Variants in WASHC5 observed in about 807,000 individuals in gnomAD.
WASHC5 encodes the protein WASH complex subunit 5.
A neutral mutation model predicts 150.4 loss-of-function variants in WASHC5; 101 were observed. That is an observed-to-expected ratio of 0.67 (90% CI 0.57 to 0.79). The LOEUF is 0.79. Among genes scored for constraint, WASHC5 ranks in the 30% least tolerant of loss-of-function variants. The pLI, the probability that WASHC5 is intolerant of heterozygous loss-of-function variation, is 0.00. For missense variants in WASHC5, 1,195 were observed against 1,396.3 expected (o/e 0.86, Z 2.30); for synonymous variants, 467 against 491.2 (o/e 0.95, Z 0.65).
intron 7 of WASHC5, among the ~76,000 whole-genome samples, chr8:125,075,759 T>C (rs914752173): frequency 1.3e-5 from 2 of 152,222 alleles, no homozygotes; most frequent in South Asian, 2.1e-4. Context: ...CAAAATCTGC[T>C]ACATGCGAAT....
intron 28 of WASHC5, among the ~76,000 whole-genome samples, chr8:125,025,285 C>T (rs1815346213): frequency 6.6e-6 from 1 of 152,096 alleles, no homozygotes; most frequent in South Asian, 2.1e-4. Context: ...AAGGTATAAC[C>T]TGCTAATGAG....
At chr8:125,070,695 C>T (rs1156482191) in intron 9 of WASHC5, among the ~76,000 whole-genome samples, 1 of 152,166 alleles carries the variant, frequency 6.6e-6, no homozygotes, top group African/African-American at 2.4e-5. Context: ...ATAAACTCAA[C>T]TAATTAAAAA....
In WASHC5 at chr8:125,043,874, A is replaced by G. The variant is rs1434612163; in HGVS notation, c.2801T>C (p.Ile934Thr). Residue 934 changes from isoleucine (I) to threonine (T), a missense_variant, in exon 23 of 29, where the codon ATT becomes ACT. Physicochemically the swap from Ile to Thr is moderately conservative, Grantham distance 89. Coordinates refer to ENST00000318410, the MANE Select transcript of WASHC5 (RefSeq NM_014846.4). ...AGTCCAAATCTTCTGTGTTTTGGCA[A>G]TGGCGGAAAAATAAATTTTATTTGA... ...ANSNKIYFSA[I>T]AKTQKIWTAY... 1.9e-6 allele frequency: 3 copies of G among 1,613,280 alleles called. No homozygotes were observed. Among genetic ancestry groups the G allele is most frequent in the Non-Finnish European group, 2.5e-6 (3 of 1,179,230 alleles).
Position 125,067,850 on chromosome 8 carries a change from G to A in WASHC5, c.1151-131C>T, listed in dbSNP as rs62529096. ...ATAAGCAAAATGTATATCAATAAAA[G>A]ATGGTGAAATATAGTACATCTATGC... On this transcript the variant is annotated intron_variant, in intron 9 of 28. Coordinates refer to ENST00000318410, the MANE Select transcript of WASHC5 (RefSeq NM_014846.4). 0.017 allele frequency: 16,100 copies of A among 942,096 alleles called. 209 individuals carry two copies. Among genetic ancestry groups the A allele is most frequent in the Non-Finnish European group, 0.021 (12,530 of 607,722 alleles). The allele number at this position is 942,096 out of a possible 1,614,324, so 58.4% of individuals were successfully genotyped here.
At chr8:125,030,594 C>T (rs1339367634) in intron 27 of WASHC5, among the ~76,000 whole-genome samples, 5 of 146,780 alleles carry the variant, frequency 3.4e-5, no homozygotes, top group Admixed American at 1.4e-4. Context: ...GCCGAGATCA[C>T]GCCACTGCAC....
chr8:125,074,950 TA>T, intron 8 of WASHC5, 47 bp downstream of exon 8: 1 of 1,109,852 alleles, frequency 9.0e-7, no homozygotes, highest in Non-Finnish European at 1.4e-6. Context: ...TGCTACTTCA[TA>T]AACTAGGCCT....
rs1816508742 is a variant in WASHC5 at position 125,059,248 on chromosome 8, T to C, written c.1738A>G (p.Thr580Ala). ...ESIRVNPSMV[T>A]KLRATFLKLA... ...TTTAGGAAGGTAGCTCTGAGTTTAG[T>C]AACCATGGATGGATTTACCCTTATG... The change falls in exon 14 of 29, where the codon ACT (threonine) becomes GCT (alanine). Residue 580 changes from threonine (T) to alanine (A), a missense_variant. Thr to Ala is a moderately conservative substitution (Grantham distance 58). Coordinates refer to ENST00000318410, the MANE Select transcript of WASHC5 (RefSeq NM_014846.4). 1 of 1,613,984 alleles carries C rather than the reference T, an allele frequency of 6.2e-7. No homozygotes were observed. Among genetic ancestry groups the C allele is most frequent in the Non-Finnish European group, 8.5e-7 (1 of 1,179,826 alleles).
rs1190367235 is a variant in WASHC5 at position 125,063,552 on chromosome 8, C to A, written c.1378G>T (p.Val460Leu). The A allele has an allele frequency of 1.9e-6, 3 of 1,613,978 alleles. No homozygotes were observed. Among genetic ancestry groups the A allele is most frequent in the Admixed American group, 3.3e-5 (2 of 60,020 alleles). The change falls in exon 11 of 29, where the codon GTG (valine) becomes TTG (leucine). Residue 460 changes from valine (V) to leucine (L), a missense_variant. By Grantham distance (32) the Val-to-Leu change is conservative. Transcript: ENST00000318410. The part of the protein sequence containing the change: ...MTELADVFSG[V>L]KPLTRVEKNE... ...TTCTCCACTCTGGTTAGGGGTTTCA[C>A]TCCTGAAAAGACATCAGCAAGCTCA...
At chr8:125,041,213 T>C (rs977929822) in intron 23 of WASHC5, among the ~76,000 whole-genome samples, 7 of 152,208 alleles carry the variant, frequency 4.6e-5, no homozygotes, top group Admixed American at 2.0e-4. Flanking sequence ...TGTCTTCTTT[T>C]CTACTCGGAC....
chr8:125,087,685 A>G (rs1817459776), intron 1 of WASHC5, among the ~76,000 whole-genome samples: 1 of 149,798 alleles, frequency 6.7e-6, no homozygotes, highest in Non-Finnish European at 1.5e-5. Context: ...GTGAGCCATG[A>G]TCGTGCCACT....
Position 125,024,606 on chromosome 8 carries a change from A to G in WASHC5, c.*11T>C, listed in dbSNP as rs772184173. On this transcript the variant is annotated 3_prime_UTR_variant, in exon 29 of 29. Coordinates refer to ENST00000318410, the MANE Select transcript of WASHC5 (RefSeq NM_014846.4). ...AGGACAATCCTTCCATTGAAGAAGT[A>G]GGAAAAACAGTTACAGCACTGTTCT... 5 of 1,589,980 alleles carry G rather than the reference A, an allele frequency of 3.1e-6. No homozygotes were observed. The highest frequency in any genetic ancestry group is 3.3e-5 in the Admixed American group (2 of 59,980).
In WASHC5 at chr8:125,049,141, C is replaced by T; in HGVS notation, c.2244G>A (p.Met748Ile). Reference protein sequence around the residue: ...MPKLKELGATMDGFHRSFEYI... With the variant: ...MPKLKELGATIDGFHRSFEYI... ...ATTCAAAAGAACGATGGAATCCATC[C>T]ATGGTCGCTCCCAACTCTTTCAGCT... Residue 748 changes from methionine to isoleucine, a missense_variant, in exon 19 of 29, where the codon ATG becomes ATA. Transcript: ENST00000318410. The T allele has an allele frequency of 6.2e-7, 1 of 1,614,068 alleles. No homozygotes were observed. Among genetic ancestry groups the T allele is most frequent in the Non-Finnish European group, 8.5e-7 (1 of 1,180,012 alleles).
intron 20 of WASHC5, 85 bp downstream of exon 20, chr8:125,047,122 G>T (rs769362019): frequency 1.4e-5 from 22 of 1,533,844 alleles, no homozygotes; most frequent in Middle Eastern, 1.8e-4. Flanking sequence ...CCCCGTGACT[G>T]GAATAGGGGC....
At chr8:125,080,039 A>G (rs576760816) in intron 5 of WASHC5, among the ~76,000 whole-genome samples, 2 of 152,318 alleles carry the variant, frequency 1.3e-5, no homozygotes, top group East Asian at 3.9e-4. Flanking sequence ...TCTAATAAAC[A>G]GGTCTGTGAT....
chr8:125,083,359 C>T (rs1817327552), intron 2 of WASHC5, 101 bp from the exon 3 acceptor site: 2 of 1,085,504 alleles, frequency 1.8e-6, no homozygotes, highest in Non-Finnish European at 2.7e-6. Context: ...TATTAGACAT[C>T]CCAAACTTAA....
intron 17 of WASHC5, among the ~76,000 whole-genome samples, chr8:125,051,784 G>A (rs1204580563): frequency 1.3e-5 from 2 of 152,220 alleles, no homozygotes; most frequent in Admixed American, 1.3e-4. Context: ...TTACTCAGGA[G>A]GCTGAGGCAG....
chr8:125,074,415 C>T (rs571610036), intron 8 of WASHC5, among the ~76,000 whole-genome samples: 2 of 152,146 alleles, frequency 1.3e-5, no homozygotes, highest in Non-Finnish European at 2.9e-5. Context: ...GGATGAGGAA[C>T]ATAACCATTT....
chr8:125,043,585 A>G (rs1489252854), intron 23 of WASHC5, among the ~76,000 whole-genome samples: 3 of 152,254 alleles, frequency 2.0e-5, no homozygotes, highest in Non-Finnish European at 2.9e-5. Flanking sequence ...GGCATTTTAC[A>G]AAGAGCCAGT....
At chr8:125,044,447 G>T in intron 21 of WASHC5, 89 bp downstream of exon 21, 1 of 1,377,278 alleles carries the variant, frequency 7.3e-7, no homozygotes, top group Middle Eastern at 1.8e-4. Flanking sequence ...ATGGAAGAAA[G>T]GTTAAGTGAG....
Sources: gnomAD v4.1 joint callset for allele counts (sites outside exome capture counted in the v4.1 genomes callset) on GRCh38, gnomAD v4.1.1 for gene constraint, MANE v1.5 for transcripts, NCBI Gene and HGNC (gene_info 2026-07-23, HGNC 2026-07-21) for gene names.